Variants in MYO6 observed in about 807,000 individuals in gnomAD.
MYO6 encodes unconventional myosin-VI.
MYO6 carries 74 observed loss-of-function variants against 178.7 expected under a neutral mutation model. The observed-to-expected ratio is 0.41, with a 90% CI of 0.34 to 0.50. The LOEUF is 0.50. Ranked by LOEUF, MYO6 falls within the 20% of genes least tolerant of loss-of-function variation. The probability of loss-of-function intolerance (pLI) is 0.09; values close to 1 mark genes in which losing one functional copy is unlikely to be tolerated. For synonymous variants in MYO6, 477 were observed against 504.6 expected (o/e 0.95, Z 0.73); for missense variants, 1,330 against 1,547.4 (o/e 0.86, Z 2.36).
Position 75,822,850 on chromosome 6 carries a change from C to A in MYO6, c.186C>A (p.Asn62Lys). 1 of 1,611,188 alleles carries A rather than the reference C, an allele frequency of 6.2e-7. No individual in the cohort carries two copies. The highest frequency in any genetic ancestry group is 8.5e-7 in the Non-Finnish European group (1 of 1,177,616). ...EEDSKKDVED[N>K]CSLMYLNEAT... Reference sequence around the variant, plus strand: ...ACAGTAAAAAAGATGTGGAAGATAACTGTAAGTACCAAGTTAAAAATTAAC... The same window carrying A: ...ACAGTAAAAAAGATGTGGAAGATAAATGTAAGTACCAAGTTAAAAATTAAC... Residue 62 changes from asparagine (N) to lysine (K), a missense_variant and splice_region_variant, in exon 3 of 35, where the codon AAC (asparagine) becomes AAA (lysine). By Grantham distance (94) the Asn-to-Lys change is moderately conservative (BLOSUM62 0). Transcript: ENST00000369977.
intron 16 of MYO6, among the ~76,000 whole-genome samples, chr6:75,865,692 A>G (rs781502599): frequency 6.6e-6 from 1 of 151,720 alleles, no homozygotes; most frequent in Non-Finnish European, 1.5e-5. Context: ...CCCTTAGGTT[A>G]TTTCAAGGGT....
At chr6:75,874,824 CTACT>C (rs1490756392) in intron 20 of MYO6, among the ~76,000 whole-genome samples, 7 of 152,180 alleles carry the variant, frequency 4.6e-5, no homozygotes, top group Non-Finnish European at 8.8e-5. Context: ...TTCATGCATT[CTACT>C]TACTCTTTAA....
intron 1 of MYO6, among the ~76,000 whole-genome samples, chr6:75,766,969 C>T (rs1269040178): frequency 6.6e-6 from 1 of 152,070 alleles, no homozygotes; most frequent in African/African-American, 2.4e-5. Flanking sequence ...GTAGCATCCT[C>T]ACAGACATTT....
chr6:75,829,284 C>T (rs540113299), intron 4 of MYO6, among the ~76,000 whole-genome samples: 1 of 152,156 alleles, frequency 6.6e-6, no homozygotes, highest in South Asian at 2.1e-4. Flanking sequence ...TATAATTATT[C>T]TTTGGGCATG....
chr6:75,886,561 A>G (rs1180849160), intron 24 of MYO6, among the ~76,000 whole-genome samples: 1 of 152,192 alleles, frequency 6.6e-6, no homozygotes, highest in African/African-American at 2.4e-5. Flanking sequence ...GGAAGTCTGA[A>G]TATCTCTATT....
intron 3 of MYO6, among the ~76,000 whole-genome samples, chr6:75,825,059 A>G (rs903939425): frequency 1.3e-5 from 2 of 152,138 alleles, no homozygotes; most frequent in African/African-American, 2.4e-5. Flanking sequence ...GCACCGAGCT[A>G]TAGCTCTGAG....
chr6:75,768,261 C>T (rs1036313867), intron 1 of MYO6: 1 of 152,002 alleles, frequency 6.6e-6, no homozygotes, highest in Non-Finnish European at 1.5e-5. Context: ...CTATTTTGCA[C>T]CTGAATTTAA....
rs1316092402 is a variant in MYO6, at chr6:75,848,413, G to A, written c.960G>A (p.Met320Ile). The change falls in exon 11 of 35, where the codon ATG (methionine) becomes ATA (isoleucine). Residue 320 changes from methionine to isoleucine, a missense_variant. Physicochemically the swap from Met to Ile is conservative, Grantham distance 10. Transcript: ENST00000369977. ...LLDDHGDFIR[M>I]CTAMKKIGLD... ...ATGACCATGGTGATTTTATTAGAAT[G>A]TGCACGGCTATGAAAAAAATTGGTT... 7.4e-6 allele frequency: 12 copies of A among 1,613,708 alleles called. No individual in the cohort carries two copies. Among genetic ancestry groups the A allele is most frequent in the Admixed American group, 5.0e-5 (3 of 59,970 alleles).
intron 15 of MYO6, among the ~76,000 whole-genome samples, chr6:75,861,620 G>A (rs1332783446): frequency 3.3e-5 from 5 of 152,126 alleles, no homozygotes; most frequent in Non-Finnish European, 5.9e-5. Context: ...CCCTATAGCC[G>A]CACAGCCAGT....
At chr6:75,887,055 G>A (rs1396494605) in intron 25 of MYO6, 61 bp downstream of exon 25, 3 of 1,508,782 alleles carry the variant, frequency 2.0e-6, no homozygotes, top group South Asian at 2.3e-5. Context: ...TTTTGTTATT[G>A]GTATTGAAAT....
chr6:75,892,969 G>C (rs1779022730), intron 28 of MYO6, among the ~76,000 whole-genome samples: 1 of 150,822 alleles, frequency 6.6e-6, no homozygotes, highest in African/African-American at 2.5e-5. Context: ...CCCTGAAATT[G>C]TTTAAGAGTA....
chr6:75,904,196 A>G (rs575826607), intron 30 of MYO6, among the ~76,000 whole-genome samples: 2,838 of 149,036 alleles, frequency 0.019, 38 homozygotes, highest in Non-Finnish European at 0.03. Context: ...GAATCTGACA[A>G]TTATGTGTCT....
At chr6:75,805,309 C>A (rs1156652200) in intron 1 of MYO6, among the ~76,000 whole-genome samples, 1 of 151,894 alleles carries the variant, frequency 6.6e-6, no homozygotes, top group Non-Finnish European at 1.5e-5. Flanking sequence ...CCGGCCTTAA[C>A]CTAACTATAT....
chr6:75,858,918 C>T lies in MYO6; in HGVS notation c.1398C>T (p.Asn466=). Residue 466 remains asparagine, a synonymous_variant, in exon 14 of 35, where the codon AAC becomes AAT. Coordinates refer to ENST00000369977, the MANE Select transcript of MYO6 (RefSeq NM_004999.4). ...DIAGFEYFEH[N]SFEQFCINYC... ...TATTTTCAGAGTACTTTGAGCATAA[C>T]AGTTTTGAACAATTTTGCATCAACT... 4 of 1,607,192 alleles carry T rather than the reference C, an allele frequency of 2.5e-6. No homozygotes were observed. Among genetic ancestry groups the T allele is most frequent in the Non-Finnish European group, 3.4e-6 (4 of 1,174,736 alleles).
At position 75,916,069 on chromosome 6, in the gene MYO6, TTTTC is replaced by T. The variant is rs1395488850; in HGVS notation, c.*1061_*1064del. On this transcript the variant is annotated 3_prime_UTR_variant, in exon 35 of 35. Coordinates refer to ENST00000369977, the MANE Select transcript of MYO6 (RefSeq NM_004999.4). ...TTACATAACTGATAATTTTAAAATG[TTTTC>T]TTTGTGTGCTGTTAGTATTGATTCA... is the stretch of plus-strand genomic sequence containing the variant. The T allele has an allele frequency of 6.6e-6, 1 of 152,372 alleles. No individual in the cohort carries two copies. Among genetic ancestry groups the T allele is most frequent in the Non-Finnish European group, 1.5e-5 (1 of 68,036 alleles). The allele number at this position is 152,372 out of a possible 1,614,324, so 9.4% of individuals were successfully genotyped here.
At chr6:75,903,427 A>G (rs982674208) in intron 30 of MYO6, among the ~76,000 whole-genome samples, 1 of 151,176 alleles carries the variant, frequency 6.6e-6, no homozygotes, top group Admixed American at 6.6e-5. Flanking sequence ...GGGTGCATAT[A>G]TATTTAGGAT....
chr6:75,824,703 TAGTGCCTTAAC>T (rs766358225), intron 3 of MYO6, among the ~76,000 whole-genome samples: 15 of 152,276 alleles, frequency 9.9e-5, no homozygotes, highest in African/African-American at 1.2e-4. Context: ...GAAACAGAAG[TAGTGCCTTAAC>T]AGTGCCTTAA....
At chr6:75,770,779 A>G (rs576012038) in intron 1 of MYO6, among the ~76,000 whole-genome samples, 4 of 151,940 alleles carry the variant, frequency 2.6e-5, no homozygotes, top group African/African-American at 7.2e-5. Flanking sequence ...CCTTGGCCTC[A>G]TTTAGTTTTA....
intron 12 of MYO6, among the ~76,000 whole-genome samples, chr6:75,856,387 A>G (rs988945892): frequency 1.8e-4 from 28 of 152,158 alleles, no homozygotes; most frequent in Non-Finnish European, 3.8e-4. Context: ...GTTCCATTGC[A>G]GAAAATATAA....
Sources: allele counts gnomAD v4.1 joint callset (sites outside exome capture counted in the v4.1 genomes callset), GRCh38; gene constraint gnomAD v4.1.1; transcripts MANE v1.5; gene names NCBI Gene and HGNC (gene_info 2026-07-23, HGNC 2026-07-21).